Variants in CEP70 observed in about 807,000 individuals in gnomAD.
CEP70 encodes centrosomal protein 70, also known as centrosomal protein of 70 kDa.
CEP70 carries 70 observed loss-of-function variants against 90.9 expected under a neutral mutation model. The observed-to-expected ratio is 0.77, with a 90% CI of 0.64 to 0.94. The LOEUF is 0.94. Ranked by LOEUF, CEP70 falls within the 40% of genes least tolerant of loss-of-function variation. The probability of loss-of-function intolerance (pLI) is 0.00; values close to 1 mark genes in which losing one functional copy is unlikely to be tolerated. For missense variants in CEP70, 648 were observed against 669.0 expected (o/e 0.97, Z 0.35); for synonymous variants, 220 against 228.3 (o/e 0.96, Z 0.33).
chr3:138,530,785 A>C (rs1440800789), intron 8 of CEP70: 1 of 985,000 alleles, frequency 1.0e-6, no homozygotes, highest in Non-Finnish European at 1.2e-6. Context: ...CAGTACTCCT[A>C]CTTCTTTAGA....
At chr3:138,549,673 G>A (rs867979084) in intron 6 of CEP70, among the ~76,000 whole-genome samples, 22 of 152,152 alleles carry the variant, frequency 1.4e-4, no homozygotes, top group African/African-American at 5.3e-4. Context: ...GGAGTTCTAG[G>A]GCCCTGCCTA....
chr3:138,537,104 A>G, intron 7 of CEP70, 74 bp downstream of exon 7: 1 of 1,097,346 alleles, frequency 9.1e-7, no homozygotes, highest in Non-Finnish European at 1.2e-6. Context: ...CACCCCCAAG[A>G]TAATATCAGG....
chr3:138,556,433 C>T (rs1292080249), intron 6 of CEP70, among the ~76,000 whole-genome samples: 10 of 143,532 alleles, frequency 7.0e-5, no homozygotes, highest in Admixed American at 6.9e-4. Context: ...GAGGCTGATG[C>T]AGGAGAATTG....
chr3:138,508,589 G>A, intron 11 of CEP70, 45 bp from the exon 12 acceptor site: 1 of 1,185,326 alleles, frequency 8.4e-7, no homozygotes. Context: ...TTACTTCCTA[G>A]ACACTGGACC....
rs180688257 is a variant in CEP70 at position 138,534,410 on chromosome 3, T to C, written c.636-1840A>G. On this transcript the variant is annotated intron_variant, in intron 7 of 17. Transcript: ENST00000264982. ...ATCTTTATATCCTGCACAAATCCTC[T>C]TGACCTACTTCCCCCTTATGCTATG... 5.9e-4 allele frequency among the ~76,000 whole-genome samples: 90 copies of C among 152,354 alleles called. 1 individual carries two copies. Among genetic ancestry groups the C allele is most frequent in the African/African-American group, 2.1e-3 (87 of 41,582 alleles).
intron 7 of CEP70, among the ~76,000 whole-genome samples, chr3:138,533,150 G>A (rs1431200663): frequency 2.6e-5 from 4 of 151,954 alleles, no homozygotes; most frequent in South Asian, 2.1e-4. Context: ...GCGTCGTGGC[G>A]AGTGCCTGTA....
chr3:138,587,547 C>T (rs374247718), intron 2 of CEP70, among the ~76,000 whole-genome samples: 7 of 149,318 alleles, frequency 4.7e-5, no homozygotes, highest in East Asian at 4.0e-4. Context: ...CTCTGGGAGG[C>T]TGAGGCAGGA....
At chr3:138,551,127 A>C (rs945548705) in intron 6 of CEP70, among the ~76,000 whole-genome samples, 1 of 152,248 alleles carries the variant, frequency 6.6e-6, no homozygotes, top group Admixed American at 6.5e-5. Flanking sequence ...CAAAAGCACC[A>C]GGTAACCTAT....
chr3:138,499,856 AGATGC>A, intron 16 of CEP70: 3 of 365,410 alleles, frequency 8.2e-6, no homozygotes, highest in Non-Finnish European at 1.5e-5. Flanking sequence ...CACACACAAA[AGATGC>A]TATTCCAAAC....
intron 11 of CEP70, among the ~76,000 whole-genome samples, chr3:138,512,985 T>C (rs1361725105): frequency 6.6e-6 from 1 of 152,214 alleles, no homozygotes; most frequent in Non-Finnish European, 1.5e-5. Context: ...TAGTTAGTGA[T>C]GAAAAGAAGG....
intron 2 of CEP70, among the ~76,000 whole-genome samples, chr3:138,582,755 C>A (rs1198100979): frequency 6.6e-6 from 1 of 152,036 alleles, no homozygotes; most frequent in Non-Finnish European, 1.5e-5. Flanking sequence ...CAGAACTAGA[C>A]TCCATCTCAA....
At chr3:138,495,154 G>A (rs961432351) in intron 17 of CEP70, 78 bp from the exon 18 acceptor site, 1 of 821,952 alleles carries the variant, frequency 1.2e-6, no homozygotes, top group South Asian at 1.6e-5. Context: ...GAACCTATAT[G>A]CAAAGGCAAA....
In CEP70 at chr3:138,591,691, C is replaced by T. The variant is rs201477208; in HGVS notation, c.-6+163G>A. Among the ~76,000 whole-genome samples, 40 of 152,312 alleles carry T rather than the reference C, an allele frequency of 2.6e-4. No individual in the cohort carries two copies. In the East Asian group the frequency reaches 4.2e-3, roughly 16 times the overall value. ...TATCTTAAGTAGGTATTTAACCTCT[C>T]TGAGCTTCAGCTTCTTTGCTGAGTT... is the stretch of plus-strand genomic sequence containing the variant. On this transcript the variant is annotated intron_variant, in intron 2 of 17. Coordinates refer to ENST00000264982, the MANE Select transcript of CEP70 (RefSeq NM_024491.4).
intron 6 of CEP70, among the ~76,000 whole-genome samples, chr3:138,550,287 T>C (rs1032842468): frequency 1.6e-4 from 24 of 152,180 alleles, no homozygotes; most frequent in Admixed American, 1.5e-3. Flanking sequence ...AAGGGTGAAG[T>C]CCAACTTTTA....
At chr3:138,513,128 C>T (rs1357662897) in intron 11 of CEP70, among the ~76,000 whole-genome samples, 1 of 152,210 alleles carries the variant, frequency 6.6e-6, no homozygotes. Flanking sequence ...AAAGGCTCTG[C>T]CTGGAAGATC....
intron 2 of CEP70, among the ~76,000 whole-genome samples, chr3:138,587,290 TA>T (rs63004860): frequency 0.59 from 89,580 of 151,358 alleles, 27,053 homozygotes; most frequent in East Asian, 0.94. Context: ...AAAACAATTT[TA>T]AAAAATTAAA....
At chr3:138,581,715 AGAAT>A (rs1327632399) in intron 2 of CEP70, among the ~76,000 whole-genome samples, 36 of 141,014 alleles carry the variant, frequency 2.6e-4, no homozygotes, top group African/African-American at 8.7e-4. Flanking sequence ...AAAAAAAAAA[AGAAT>A]AAGAAAAGAA....
chr3:138,592,101 C>T (rs2042412020), intron 1 of CEP70, 145 bp from the exon 2 acceptor site: 6 of 501,626 alleles, frequency 1.2e-5, no homozygotes, highest in Non-Finnish European at 2.1e-5. Flanking sequence ...TGCTAATGGC[C>T]TTCCCAGCTC....
chr3:138,524,053 C>G (rs1292059333), intron 11 of CEP70, among the ~76,000 whole-genome samples: 1 of 103,868 alleles, frequency 9.6e-6, no homozygotes, highest in Admixed American at 8.1e-5. Flanking sequence ...CAGAACAGAG[C>G]CCTCAGAAAT....
Sources: gnomAD v4.1 joint callset for allele counts (sites outside exome capture counted in the v4.1 genomes callset) on GRCh38, gnomAD v4.1.1 for gene constraint, MANE v1.5 for transcripts, NCBI Gene and HGNC (gene_info 2026-07-23, HGNC 2026-07-21) for gene names.